The following HECW2 variants were observed in gnomAD, a reference collection of about 807,000 sequenced individuals.
The protein encoded by HECW2 is HECT, C2 and WW domain containing E3 ubiquitin protein ligase 2.
Under a neutral mutation model 175.2 loss-of-function variants are expected in HECW2, and 61 were observed. The observed-to-expected ratio is 0.35, with a 90% CI of 0.28 to 0.43. HECW2 has a LOEUF of 0.43. HECW2 is among the 20% of genes least tolerant of loss of function. HECW2 has a pLI of 1.00. For synonymous variants in HECW2, 671 were observed against 731.0 expected (o/e 0.92, Z 1.32); for missense variants, 1,524 against 2,000.5 (o/e 0.76, Z 4.54).
At chr2:196,263,538 G>C (rs907287697) in intron 17 of HECW2, 10 of 152,254 alleles carry the variant, frequency 6.6e-5, no homozygotes, top group African/African-American at 2.4e-4. Context: ...CCCTCAGGCA[G>C]TTCTAGAGAA....
At chr2:196,506,882 C>T (rs1196328246) in intron 1 of HECW2, among the ~76,000 whole-genome samples, 1 of 152,066 alleles carries the variant, frequency 6.6e-6, no homozygotes, top group Admixed American at 6.6e-5. Context: ...ACAGGCCAAG[C>T]TGACTTATGA....
chr2:196,568,193 A>G (rs556859095), intron 1 of HECW2, among the ~76,000 whole-genome samples: 2 of 152,276 alleles, frequency 1.3e-5, no homozygotes, highest in East Asian at 1.9e-4. Flanking sequence ...AAAATTTGGG[A>G]AAAAAGTCAT....
At chr2:196,221,032 C>G in intron 24 of HECW2, 91 bp from the exon 25 acceptor site, 1 of 1,388,070 alleles carries the variant, frequency 7.2e-7, no homozygotes, top group Non-Finnish European at 1.0e-6. Flanking sequence ...CAGCCAGCTA[C>G]CTGTCCCAGC....
intron 1 of HECW2, among the ~76,000 whole-genome samples, chr2:196,557,564 A>C (rs1689846318): frequency 6.6e-6 from 1 of 152,192 alleles, no homozygotes; most frequent in Admixed American, 6.5e-5. Flanking sequence ...AACTCAGCCC[A>C]AGGGGAAAAA....
At chr2:196,449,891 C>G (rs774536840) in intron 1 of HECW2, among the ~76,000 whole-genome samples, 25 of 152,048 alleles carry the variant, frequency 1.6e-4, no homozygotes, top group Non-Finnish European at 2.6e-4. Flanking sequence ...TGGTGTGATT[C>G]CTTCAGTCAT....
At chr2:196,527,148 C>T (rs1688688428) in intron 1 of HECW2, among the ~76,000 whole-genome samples, 1 of 152,238 alleles carries the variant, frequency 6.6e-6, no homozygotes, top group Non-Finnish European at 1.5e-5. Flanking sequence ...AGCCTAGGAC[C>T]CTCCCAGCCA....
At chr2:196,516,482 G>A (rs750680170) in intron 1 of HECW2, among the ~76,000 whole-genome samples, 9 of 151,866 alleles carry the variant, frequency 5.9e-5, no homozygotes, top group Admixed American at 3.3e-4. Context: ...ATGTTTATTC[G>A]TATTATATAA....
At chr2:196,322,108 A>G (rs1204146215) in intron 7 of HECW2, among the ~76,000 whole-genome samples, 1 of 152,196 alleles carries the variant, frequency 6.6e-6, no homozygotes. Context: ...TTCAAGAGTA[A>G]CAAGTTCTCT....
Position 196,306,365 on chromosome 2 carries a change from C to T in HECW2, c.2814+123G>A, listed in dbSNP as rs1327641271. 5.7e-6 allele frequency: 6 copies of T among 1,057,682 alleles called. No homozygotes were observed. In the East Asian group the frequency reaches 7.8e-5, roughly 14 times the overall value. 65.5% of individuals were successfully genotyped at this position (1,057,682 alleles called of 1,614,324 possible). On this transcript the variant is annotated intron_variant, in intron 13 of 28. Transcript: ENST00000644978. The stretch of plus-strand genomic sequence containing the variant: ...AAAGTGTACAGTGCTCAACACAAAG[C>T]TTGGAACACACTAAGTGCTCTGGAA...
At chr2:196,410,186 C>A (rs1475375569) in intron 2 of HECW2, among the ~76,000 whole-genome samples, 1 of 152,160 alleles carries the variant, frequency 6.6e-6, no homozygotes, top group Non-Finnish European at 1.5e-5. Flanking sequence ...AGTGTTCTCA[C>A]TTAGGGATGC....
intron 1 of HECW2, among the ~76,000 whole-genome samples, chr2:196,534,789 C>G (rs539945921): frequency 6.6e-6 from 1 of 152,186 alleles, no homozygotes; most frequent in Non-Finnish European, 1.5e-5. Context: ...CTTGCTTTGC[C>G]TACTCCAGTG....
chr2:196,236,856 G>A (rs1688270551), intron 21 of HECW2, among the ~76,000 whole-genome samples: 1 of 152,156 alleles, frequency 6.6e-6, no homozygotes, highest in South Asian at 2.1e-4. Flanking sequence ...TCACCTGACT[G>A]CCATAGTGTT....
At chr2:196,375,642 G>GT in intron 2 of HECW2, among the ~76,000 whole-genome samples, 1 of 152,198 alleles carries the variant, frequency 6.6e-6, no homozygotes, top group South Asian at 2.1e-4. Context: ...TTGATTATTA[G>GT]TGGGAACACA....
intron 2 of HECW2, among the ~76,000 whole-genome samples, chr2:196,354,629 T>A (rs1035916788): frequency 6.6e-6 from 1 of 152,244 alleles, no homozygotes; most frequent in African/African-American, 2.4e-5. Context: ...ATTTTCACCA[T>A]GGAACACACA....
At chr2:196,526,755 C>G (rs1370481348) in intron 1 of HECW2, among the ~76,000 whole-genome samples, 2 of 152,130 alleles carry the variant, frequency 1.3e-5, no homozygotes, top group East Asian at 3.9e-4. Context: ...TGTCAGTGTG[C>G]CCCTGCTGGG....
chr2:196,331,186 C>T, intron 4 of HECW2: 1 of 985,432 alleles, frequency 1.0e-6, no homozygotes, highest in Non-Finnish European at 1.2e-6. Flanking sequence ...ATCCAGGTAT[C>T]TGTTTTTCCT....
chr2:196,337,334 AG>A (rs1252643951), intron 3 of HECW2, among the ~76,000 whole-genome samples: 1 of 151,680 alleles, frequency 6.6e-6, no homozygotes, highest in Non-Finnish European at 1.5e-5. Context: ...TTTTGTAAAA[AG>A]CTATTTCTGA....
chr2:196,311,796 C>A (rs1256107873), intron 10 of HECW2, among the ~76,000 whole-genome samples: 1 of 152,076 alleles, frequency 6.6e-6, no homozygotes, highest in Non-Finnish European at 1.5e-5. Flanking sequence ...GATTCCATCT[C>A]AAAACAACAA....
At chr2:196,284,432 T>A (rs1690306049) in intron 14 of HECW2, among the ~76,000 whole-genome samples, 2 of 152,232 alleles carry the variant, frequency 1.3e-5, no homozygotes, top group African/African-American at 4.8e-5. Context: ...GCCACACAGC[T>A]AGGGCACTGA....
Sources: allele counts gnomAD v4.1 joint callset (sites outside exome capture counted in the v4.1 genomes callset), GRCh38; gene constraint gnomAD v4.1.1; transcripts MANE v1.5; gene names NCBI Gene and HGNC (gene_info 2026-07-23, HGNC 2026-07-21).